The following BTD variants were observed in gnomAD, a reference collection of about 807,000 sequenced individuals.
The protein encoded by BTD is biocytinase.
BTD carries 13 observed loss-of-function variants against 17.7 expected under a neutral mutation model. The observed-to-expected ratio is 0.74, with a 90% confidence interval of 0.48 to 1.17. The LOEUF (loss-of-function observed/expected upper bound fraction) is 1.17. Ranked by LOEUF, BTD falls within the 50% of genes most tolerant of loss-of-function variation. BTD has a pLI of 0.00. For missense variants in BTD, 674 were observed against 650.4 expected (o/e 1.04, Z -0.39); for synonymous variants, 240 against 245.2 (o/e 0.98, Z 0.20).
chr3:15,700,302 G>A (rs888331854), intron 3 of BTD, among the ~76,000 whole-genome samples: 4 of 152,022 alleles, frequency 2.6e-5, no homozygotes, highest in Non-Finnish European at 5.9e-5. Context: ...TGTCCGGGGT[G>A]GGGGCCTGGG....
intron 1 of BTD, among the ~76,000 whole-genome samples, chr3:15,624,776 C>G (rs1397368975): frequency 6.6e-6 from 1 of 152,226 alleles, no homozygotes; most frequent in African/African-American, 2.4e-5. Flanking sequence ...CCCTCTGTCA[C>G]TGCTGGAGTG....
chr3:15,658,179 A>AAG (rs1553566218), downstream of BTD, among the ~76,000 whole-genome samples: 64 of 151,974 alleles, frequency 4.2e-4, no homozygotes, highest in African/African-American at 1.3e-3. Context: ...AAAAAAAAAA[A>AAG]AAAGAAAGAA....
At chr3:15,663,965 G>A (rs1432501857) in intron 3 of BTD, among the ~76,000 whole-genome samples, 2 of 152,074 alleles carry the variant, frequency 1.3e-5, no homozygotes, top group African/African-American at 4.8e-5. Context: ...GCAATGGCGC[G>A]ATCTCAGCTC....
intron 3 of BTD, chr3:15,670,238 T>C (rs1252110734): frequency 6.2e-6 from 10 of 1,602,858 alleles, no homozygotes; most frequent in Non-Finnish European, 7.7e-6. Flanking sequence ...AGTTTGAAGC[T>C]TTACTGTGAG....
intron 1 of BTD, among the ~76,000 whole-genome samples, chr3:15,623,095 T>C (rs1157766340): frequency 6.6e-6 from 1 of 152,226 alleles, no homozygotes; most frequent in Non-Finnish European, 1.5e-5. Context: ...CCATCAGATT[T>C]CATGAGACTT....
At chr3:15,622,868 C>T (rs1196951686) in intron 1 of BTD, among the ~76,000 whole-genome samples, 1 of 152,174 alleles carries the variant, frequency 6.6e-6, no homozygotes, top group Non-Finnish European at 1.5e-5. Context: ...TGTAGCTATT[C>T]TTGCTTTCTC....
At chr3:15,696,739 TAAG>T (rs2069633990) in intron 3 of BTD, among the ~76,000 whole-genome samples, 1 of 152,108 alleles carries the variant, frequency 6.6e-6, no homozygotes, top group Non-Finnish European at 1.5e-5. Context: ...ATTAGAGGAC[TAAG>T]AAGAGGTATA....
chr3:15,641,367 A>G (rs1160400300), intron 2 of BTD, among the ~76,000 whole-genome samples: 1 of 152,164 alleles, frequency 6.6e-6, no homozygotes, highest in Non-Finnish European at 1.5e-5. Context: ...CCTTTAAACA[A>G]ACACTGTTGC....
chr3:15,665,688 C>A (rs1559290783), intron 3 of BTD, among the ~76,000 whole-genome samples: 1 of 152,216 alleles, frequency 6.6e-6, no homozygotes, highest in Non-Finnish European at 1.5e-5. Context: ...ACTGCCCCAT[C>A]CCACGGAGGT....
chr3:15,640,442 G>A (rs1462572729), intron 2 of BTD, among the ~76,000 whole-genome samples: 2 of 151,076 alleles, frequency 1.3e-5, no homozygotes, highest in Non-Finnish European at 2.9e-5. Context: ...CCAGGCTGGA[G>A]TGCAATGGTG....
rs190185317 is a variant in BTD, at chr3:15,649,822, G to T, written c.*4334G>T. Among the ~76,000 whole-genome samples, 7 of 152,202 alleles carry T rather than the reference G, an allele frequency of 4.6e-5. No homozygotes were observed. In the East Asian group the frequency reaches 9.6e-4, roughly 21 times the overall value. ...CTTTCTCATTGAACTATTTATCTGA[G>T]TTCCCTCTGCCGGAACATGAGCCAT... On this transcript the variant is annotated 3_prime_UTR_variant, in exon 4 of 4. Coordinates refer to ENST00000643237, the MANE Select transcript of BTD (RefSeq NM_001370658.1).
chr3:15,710,511 G>A (rs1310991502), exon 4 of BTD, among the ~76,000 whole-genome samples: 1 of 151,046 alleles, frequency 6.6e-6, no homozygotes, highest in African/African-American at 2.5e-5. Context: ...CTGTGCTGGT[G>A]TACTCTTGGT....
rs748451922 is a variant in BTD, at chr3:15,601,834, G to A, written c.-77G>A. The A allele has an allele frequency of 6.2e-7, 1 of 1,614,204 alleles. No individual in the cohort carries two copies. The highest frequency in any genetic ancestry group is 8.5e-7 in the Non-Finnish European group (1 of 1,180,034). On this transcript the variant is annotated 5_prime_UTR_variant, in exon 1 of 4. Transcript: ENST00000643237. ...CGAGTCGGCCAGCTGGAGCGTTTTC[G>A]GGGCTGTAAAGGGAGAATGGCGCAT...
At chr3:15,718,815 G>A (rs1330066507) in intron 4 of BTD, among the ~76,000 whole-genome samples, 2 of 152,184 alleles carry the variant, frequency 1.3e-5, no homozygotes, top group Admixed American at 6.5e-5. Context: ...TGGTTGTGAC[G>A]TTTGCTTTTG....
At chr3:15,714,532 G>GAAAA (rs5846873), downstream of BTD, 14,698 of 1,074,070 alleles carry the variant, frequency 0.014, 7 homozygotes, top group Non-Finnish European at 0.015. Flanking sequence ...CTACATTTAA[G>GAAAA]AAAAAAAAAA....
rs1216504109 is a variant in BTD, at chr3:15,700,888, G to C, written c.400-9172G>C. On this transcript the variant is annotated intron_variant, in intron 3 of 3. Coordinates refer to the BTD transcript ENST00000672141. ...GATCTTGGGCCATAAAAGTGAAATA[G>C]CCTCTGTTTATTCATTTGATACATG... 2.0e-5 allele frequency among the ~76,000 whole-genome samples: 3 copies of C among 152,098 alleles called. No homozygotes were observed. The East Asian group carries it at 5.8e-4, about 29-fold the overall frequency.
chr3:15,706,073 G>T (rs13084331), intron 3 of BTD, among the ~76,000 whole-genome samples: 35,341 of 150,462 alleles, frequency 0.23, 4,594 homozygotes, highest in Non-Finnish European at 0.3. Flanking sequence ...TTTTTTTTTT[G>T]TGTGTGTGTG....
At chr3:15,704,447 C>A (rs1466765784) in intron 3 of BTD, among the ~76,000 whole-genome samples, 1 of 152,070 alleles carries the variant, frequency 6.6e-6, no homozygotes, top group African/African-American at 2.4e-5. Context: ...GTATAAACAA[C>A]AACTTTTCCT....
chr3:15,652,729 A>G lies in BTD; in HGVS notation c.*7241A>G, dbSNP rs2065825360. On this transcript the variant is annotated 3_prime_UTR_variant, in exon 4 of 4. Transcript: ENST00000643237. ...ACCAGCACCTTAATCTCCCACATCC[A>G]AGTTAAAATTCATCCAACACTCAAT... 6.6e-6 allele frequency among the ~76,000 whole-genome samples: 1 copy of G among 152,190 alleles called. No individual in the cohort carries two copies. Among genetic ancestry groups the G allele is most frequent in the Non-Finnish European group, 1.5e-5 (1 of 68,040 alleles).
Sources: gnomAD v4.1 joint callset for allele counts (sites outside exome capture counted in the v4.1 genomes callset) on GRCh38, gnomAD v4.1.1 for gene constraint, MANE v1.5 for transcripts, NCBI Gene and HGNC (gene_info 2026-07-23, HGNC 2026-07-21) for gene names.